CCSER1: variants seen among roughly 807,000 people sequenced by gnomAD.
CCSER1 encodes serine-rich coiled-coil domain-containing protein 1.
A neutral mutation model predicts 82.0 loss-of-function variants in CCSER1; 41 were observed. That is an observed-to-expected ratio of 0.50 (90% CI 0.39 to 0.65). The LOEUF (loss-of-function observed/expected upper bound fraction) is 0.65. Among genes scored for constraint, CCSER1 ranks in the 30% least tolerant of loss-of-function variants. CCSER1 has a pLI of 0.00. For synonymous variants in CCSER1, 414 were observed against 383.9 expected (o/e 1.08, Z -0.92); for missense variants, 1,119 against 1,064.2 (o/e 1.05, Z -0.72).
chr4:91,095,535 A>G (rs901874771), intron 10 of CCSER1, among the ~76,000 whole-genome samples: 16 of 152,114 alleles, frequency 1.1e-4, no homozygotes, highest in Admixed American at 7.9e-4. Context: ...CGAGGTATTC[A>G]TCTCTGCAAA....
At position 90,505,067 on chromosome 4, in the gene CCSER1, G is replaced by A. The variant is rs1296972765; in HGVS notation, c.1724+36713G>A. On this transcript the variant is annotated intron_variant, in intron 5 of 10. Transcript: ENST00000509176. The stretch of plus-strand genomic sequence containing the variant: ...ACAACAGGAGACATCTCACAACCAA[G>A]TGTCCTGCCTTAAACCATTGCCCAA... Among the ~76,000 whole-genome samples, 4 of 152,164 alleles carry A rather than the reference G, an allele frequency of 2.6e-5. No homozygotes were observed. The East Asian group carries it at 5.8e-4, about 22-fold the overall frequency.
intron 10 of CCSER1, among the ~76,000 whole-genome samples, chr4:91,510,255 C>T (rs370771733): frequency 1.3e-5 from 2 of 152,088 alleles, no homozygotes; most frequent in Admixed American, 6.6e-5. Flanking sequence ...AATCCACTGC[C>T]GATGGGCCCT....
intron 7 of CCSER1, among the ~76,000 whole-genome samples, chr4:90,725,381 G>A (rs17017462): frequency 0.057 from 8,700 of 151,486 alleles, 306 homozygotes; most frequent in East Asian, 0.15. Flanking sequence ...TCTCTAACTG[G>A]TTCTGAGAGA....
intron 7 of CCSER1, among the ~76,000 whole-genome samples, chr4:90,771,551 A>G (rs1003358108): frequency 5.4e-5 from 8 of 147,816 alleles, no homozygotes; most frequent in African/African-American, 2.0e-4. Context: ...TTTTATTTAG[A>G]AAATGCCGGG....
At chr4:91,445,131 G>A (rs547900885) in intron 10 of CCSER1, among the ~76,000 whole-genome samples, 1 of 152,194 alleles carries the variant, frequency 6.6e-6, no homozygotes, top group East Asian at 1.9e-4. Context: ...CTGCCTCTGA[G>A]GTAACTTTTA....
At chr4:90,328,772 C>T (rs1447862840) in intron 3 of CCSER1, among the ~76,000 whole-genome samples, 1 of 152,086 alleles carries the variant, frequency 6.6e-6, no homozygotes, top group Non-Finnish European at 1.5e-5. Flanking sequence ...GACTGTGCCT[C>T]AGGCTGAATT....
At chr4:90,245,620 G>A (rs1721286690) in intron 1 of CCSER1, among the ~76,000 whole-genome samples, 1 of 152,086 alleles carries the variant, frequency 6.6e-6, no homozygotes, top group Non-Finnish European at 1.5e-5. Context: ...TAACCTTTAT[G>A]TTATATTTCC....
intron 3 of CCSER1, among the ~76,000 whole-genome samples, chr4:90,369,757 C>T (rs1747048516): frequency 6.6e-6 from 1 of 151,930 alleles, no homozygotes; most frequent in Admixed American, 6.6e-5. Flanking sequence ...CCTCCACCTA[C>T]CCCTCCAGTT....
chr4:91,598,921 ATTCGACCT>A lies in CCSER1; in HGVS notation c.2570_2577del (p.Ser857TyrfsTer32). 6.4e-7 allele frequency: 1 copy of A among 1,551,608 alleles called. No individual in the cohort carries two copies. ...GACCAAGTTGCTACGGCCCGACAGC[ATTCGACCT>A]TTACAGGCAGGTTTGGACAGCCACC... is the stretch of plus-strand genomic sequence containing the variant. On this transcript the variant is annotated frameshift_variant, in exon 11 of 11. Transcript: ENST00000509176. LOFTEE classifies it high-confidence loss of function.
intron 7 of CCSER1, among the ~76,000 whole-genome samples, chr4:90,782,620 C>G (rs1051332422): frequency 6.6e-6 from 1 of 151,328 alleles, no homozygotes; most frequent in African/African-American, 2.4e-5. Flanking sequence ...TGTTTGTCAG[C>G]TGCATATGGA....
intron 9 of CCSER1, among the ~76,000 whole-genome samples, chr4:91,059,308 G>A (rs1040354139): frequency 1.5e-4 from 12 of 79,024 alleles, no homozygotes; most frequent in Admixed American, 4.3e-4. Context: ...ATATATATAC[G>A]TGTATATATA....
chr4:90,240,124 A>G (rs1464159488), intron 1 of CCSER1, among the ~76,000 whole-genome samples: 1 of 152,164 alleles, frequency 6.6e-6, no homozygotes, highest in African/African-American at 2.4e-5. Flanking sequence ...CTGAGCATCC[A>G]GAGATGGCCC....
At chr4:90,229,768 A>G (rs1478311624) in intron 1 of CCSER1, among the ~76,000 whole-genome samples, 1 of 152,190 alleles carries the variant, frequency 6.6e-6, no homozygotes, top group Non-Finnish European at 1.5e-5. Flanking sequence ...ATAAAAGGAT[A>G]GAGGAAGATC....
intron 4 of CCSER1, among the ~76,000 whole-genome samples, chr4:90,424,988 T>G (rs1337687044): frequency 2.6e-5 from 4 of 152,240 alleles, no homozygotes; most frequent in Admixed American, 6.5e-5. Flanking sequence ...CTTTTTATAA[T>G]TTTTGTTTTA....
intron 4 of CCSER1, among the ~76,000 whole-genome samples, chr4:90,411,797 G>A (rs559475431): frequency 2.8e-3 from 430 of 152,248 alleles, no homozygotes; most frequent in Non-Finnish European, 5.0e-3. Context: ...GAAGGAAATA[G>A]CGGGCATTCA....
At chr4:90,234,119 C>CAAGA (rs1745271219) in intron 1 of CCSER1, among the ~76,000 whole-genome samples, 1 of 151,674 alleles carries the variant, frequency 6.6e-6, no homozygotes, top group Non-Finnish European at 1.5e-5. Context: ...ATTTCCAGAC[C>CAAGA]TCTTGTATTT....
chr4:91,438,379 G>C (rs1030215636), intron 10 of CCSER1, among the ~76,000 whole-genome samples: 5 of 152,214 alleles, frequency 3.3e-5, no homozygotes, highest in Admixed American at 1.3e-4. Flanking sequence ...ACAGGGTCTG[G>C]AGTGGACCTC....
chr4:91,537,197 T>A (rs938599531), intron 10 of CCSER1, among the ~76,000 whole-genome samples: 14 of 152,040 alleles, frequency 9.2e-5, no homozygotes, highest in African/African-American at 3.4e-4. Context: ...CTACTAAAGA[T>A]GAAGACATTG....
chr4:90,470,759 A>C (rs2153590100), intron 5 of CCSER1, among the ~76,000 whole-genome samples: 1 of 142,810 alleles, frequency 7.0e-6, no homozygotes, highest in African/African-American at 2.8e-5. Context: ...CTTTTAATCA[A>C]AGCAAAAAAA....
Sources: allele counts gnomAD v4.1 joint callset (sites outside exome capture counted in the v4.1 genomes callset), GRCh38; gene constraint gnomAD v4.1.1; transcripts MANE v1.5; gene names NCBI Gene and HGNC (gene_info 2026-07-23, HGNC 2026-07-21).